The following AP1B1 variants were observed in gnomAD, a reference collection of about 807,000 sequenced individuals.
The protein encoded by AP1B1 is AP-1 complex subunit beta-1.
A neutral mutation model predicts 104.3 loss-of-function variants in AP1B1; 36 were observed. The ratio of observed to expected loss-of-function variants is 0.35; its 90% CI spans 0.26 to 0.46. AP1B1 has a LOEUF of 0.46. Ranked by LOEUF, AP1B1 falls within the 20% of genes least tolerant of loss-of-function variation. The probability of loss-of-function intolerance (pLI) is 1.00; values close to 1 mark genes in which losing one functional copy is unlikely to be tolerated. For synonymous variants in AP1B1, 504 were observed against 517.5 expected (o/e 0.97, Z 0.35); for missense variants, 901 against 1,247.9 (o/e 0.72, Z 4.19).
At chr22:29,369,973 T>G (rs1215998816) in intron 1 of AP1B1, among the ~76,000 whole-genome samples, 3 of 151,204 alleles carry the variant, frequency 2.0e-5, no homozygotes, top group Non-Finnish European at 2.9e-5. Flanking sequence ...ACAATAAAGA[T>G]CTGCATGGTT....
At chr22:29,337,900 A>G (rs1430942703) in intron 16 of AP1B1, among the ~76,000 whole-genome samples, 1 of 152,204 alleles carries the variant, frequency 6.6e-6, no homozygotes, top group Admixed American at 6.5e-5. Context: ...AGACGCAGCC[A>G]TCTTTCTCAA....
chr22:29,331,647 C>A, intron 18 of AP1B1, 114 bp from the exon 19 acceptor site: 1 of 1,572,448 alleles, frequency 6.4e-7, no homozygotes, highest in Non-Finnish European at 8.7e-7. Flanking sequence ...TAAACACACC[C>A]CTTCGTTCCC....
At position 29,361,950 on chromosome 22, in the gene AP1B1, C is replaced by T. The variant is rs192262760; in HGVS notation, c.143+1051G>A. On this transcript the variant is annotated intron_variant, in intron 3 of 22. Transcript: ENST00000357586. ...CTGGGATTACAGGTGCCCACCACCA[C>T]GCTTGGCTAATTTTTGTATTTTTAG... 3.5e-4 allele frequency among the ~76,000 whole-genome samples: 53 copies of T among 152,180 alleles called. No homozygotes were observed. The East Asian group carries it at 5.4e-3, about 16-fold the overall frequency.
intron 11 of AP1B1, among the ~76,000 whole-genome samples, chr22:29,345,674 A>AGTTTT (rs1292366420): frequency 6.7e-6 from 1 of 149,478 alleles, no homozygotes; most frequent in East Asian, 2.0e-4. Context: ...CCAGTTAACA[A>AGTTTT]GTTTTGTTTT....
At chr22:29,366,172 C>T (rs1428232463) in intron 2 of AP1B1, among the ~76,000 whole-genome samples, 2 of 152,146 alleles carry the variant, frequency 1.3e-5, no homozygotes, top group African/African-American at 2.4e-5. Context: ...TCAGCCACGA[C>T]GACATCCTCC....
chr22:29,341,739 G>T lies in AP1B1; in HGVS notation c.1558C>A (p.Arg520=), dbSNP rs753729363. The T allele has an allele frequency of 1.2e-6, 2 of 1,612,312 alleles. No individual in the cohort carries two copies. The highest frequency in any genetic ancestry group is 1.7e-6 in the Non-Finnish European group (2 of 1,178,556). The change falls in exon 13 of 23, where the codon CGG becomes AGG. Residue 520 remains arginine (R), a synonymous_variant. Coordinates refer to ENST00000357586, the MANE Select transcript of AP1B1 (RefSeq NM_001127.4). ...ATQDSDNPDL[R]DRGYIYWRLL... is the part of the protein sequence containing the mutation. The stretch of plus-strand genomic sequence containing the variant: ...CGCCAGTAGATGTAGCCACGGTCCC[G>T]CAGGTCTGGGTTATCTGAGTCCTTG...
intron 22 of AP1B1, chr22:29,329,222 C>A (rs2061520918): frequency 8.2e-7 from 1 of 1,214,024 alleles, no homozygotes; most frequent in Non-Finnish European, 1.0e-6. Context: ...CCCCCAGAGT[C>A]CCTGAAGGTC....
chr22:29,368,172 C>T (rs1315039058), intron 1 of AP1B1, among the ~76,000 whole-genome samples: 1 of 152,076 alleles, frequency 6.6e-6, no homozygotes, highest in Admixed American at 6.6e-5. Flanking sequence ...GTAGTGTGTG[C>T]CTGTAATCTC....
At chr22:29,349,183 T>C in intron 11 of AP1B1, 35 bp downstream of exon 11, 1 of 1,605,770 alleles carries the variant, frequency 6.2e-7, no homozygotes. Flanking sequence ...GAGCTGCCAG[T>C]CATGACTCAC....
rs773851419 is a variant in AP1B1 at position 29,358,818 on chromosome 22, C to T, written c.433G>A (p.Val145Met). The T allele has an allele frequency of 5.6e-6, 9 of 1,614,144 alleles. No individual in the cohort carries two copies. In the African/African-American group the frequency reaches 6.7e-5, roughly 12 times the overall value. Residue 145 changes from valine to methionine, a missense_variant, in exon 5 of 23, where the codon GTG becomes ATG. Coordinates refer to ENST00000357586, the MANE Select transcript of AP1B1 (RefSeq NM_001127.4). The part of the protein sequence containing the change: ...PYVRKTAAVC[V>M]AKLHDINAQL... ...GCGTTGATGTCGTGGAGCTTGGCCA[C>T]GCACACAGCTGCTGTCTTGCGCACA...
chr22:29,370,907 G>A (rs1032344345), intron 1 of AP1B1, among the ~76,000 whole-genome samples: 1 of 152,100 alleles, frequency 6.6e-6, no homozygotes. Flanking sequence ...GCTTTTTTCC[G>A]CAGTATCTGT....
In AP1B1 at chr22:29,340,656, C is replaced by G. The variant is rs1186423157; in HGVS notation, c.1998G>C (p.Leu666=). Residue 666 remains leucine (L), a splice_region_variant and synonymous_variant, in exon 14 of 23, where the codon CTG becomes CTC. Transcript: ENST00000357586. ...VDLLGGGLDS[L]MGDEPEGIGG... is the part of the protein sequence containing the mutation. ...CATCCAGAGGGGGCCCACAACATAC[C>G]AGGCTGTCAAGGCCACCGCCAAGAA... 1 of 1,547,192 alleles carries G rather than the reference C, an allele frequency of 6.5e-7. No individual in the cohort carries two copies. The highest frequency in any genetic ancestry group is 2.4e-5 in the East Asian group (1 of 41,738).
chr22:29,382,728 A>G (rs1405641711), intron 1 of AP1B1, among the ~76,000 whole-genome samples: 1 of 152,124 alleles, frequency 6.6e-6, no homozygotes, highest in African/African-American at 2.4e-5. Flanking sequence ...AGCAAAAGAG[A>G]TCGCCAGTGC....
chr22:29,355,460 TAAAC>T (rs549032143), intron 6 of AP1B1, among the ~76,000 whole-genome samples: 3 of 151,992 alleles, frequency 2.0e-5, no homozygotes, highest in Non-Finnish European at 4.4e-5. Flanking sequence ...GACCCTGTCA[TAAAC>T]AAACAAACAA....
intron 19 of AP1B1, 148 bp from the exon 20 acceptor site, chr22:29,330,857 C>A (rs748165294): frequency 1.5e-6 from 1 of 687,374 alleles, no homozygotes; most frequent in Non-Finnish European, 2.5e-6. Context: ...TCCTGCTTCC[C>A]TAAGCACACC....
chr22:29,388,469 G>C lies in AP1B1; in HGVS notation c.-73C>G, dbSNP rs1435875130. The C allele has an allele frequency of 1.3e-5, 2 of 152,262 alleles. No individual in the cohort carries two copies. The highest frequency in any genetic ancestry group is 2.4e-5 in the African/African-American group (1 of 41,454). The allele number at this position is 152,262 out of a possible 1,614,324, so 9.4% of individuals were successfully genotyped here. On this transcript the variant is annotated 5_prime_UTR_variant, in exon 1 of 23. Transcript: ENST00000357586. Reference sequence around the variant, plus strand: ...CGGCGCCCCGGCTCGGTTCGGCTTGGCACCAAAATGTCCGCGGCCTCCACC... The same window carrying C: ...CGGCGCCCCGGCTCGGTTCGGCTTGCCACCAAAATGTCCGCGGCCTCCACC...
chr22:29,350,861 C>T (rs563821667), intron 9 of AP1B1, among the ~76,000 whole-genome samples: 1 of 152,216 alleles, frequency 6.6e-6, no homozygotes, highest in Non-Finnish European at 1.5e-5. Context: ...GGCCCTTACC[C>T]CAGAGCTCTG....
At chr22:29,379,952 A>G (rs1421807331) in intron 1 of AP1B1, among the ~76,000 whole-genome samples, 2 of 152,196 alleles carry the variant, frequency 1.3e-5, no homozygotes, top group Non-Finnish European at 2.9e-5. Flanking sequence ...TGATTTACCT[A>G]AGGCCAAAAC....
At chr22:29,354,591 C>T in intron 7 of AP1B1, 59 bp downstream of exon 7, 1 of 1,519,656 alleles carries the variant, frequency 6.6e-7, no homozygotes. Flanking sequence ...AGCCCCCATT[C>T]CCAGCAGAAG....
Sources: allele counts gnomAD v4.1 joint callset (sites outside exome capture counted in the v4.1 genomes callset), GRCh38; gene constraint gnomAD v4.1.1; transcripts MANE v1.5; gene names NCBI Gene and HGNC (gene_info 2026-07-23, HGNC 2026-07-21).